The following IFI44L variants were observed in gnomAD, a reference collection of about 807,000 sequenced individuals.
IFI44L encodes interferon induced protein 44 like.
IFI44L carries 40 observed loss-of-function variants against 39.3 expected under a neutral mutation model. The ratio of observed to expected loss-of-function variants is 1.02; its 90% CI spans 0.79 to 1.33. IFI44L has a LOEUF of 1.33. Among genes scored for constraint, IFI44L ranks in the 40% most tolerant of loss-of-function variants. The pLI is 0.00. For synonymous variants in IFI44L, 198 were observed against 182.3 expected, an observed-to-expected ratio of 1.09 and a Z score of -0.69; for missense variants, 623 against 549.0, an observed-to-expected ratio of 1.13 and a Z score of -1.35.
intron 5 of IFI44L, 67 bp from the exon 6 acceptor site, chr1:78,636,965 A>G (rs1652971015): frequency 2.5e-6 from 3 of 1,199,212 alleles, no homozygotes; most frequent in Non-Finnish European, 3.6e-6. Flanking sequence ...AGAAGCATTA[A>G]TTGTGTCTTT....
At position 78,629,012 on chromosome 1, in the gene IFI44L, C is replaced by A. The variant is rs368767836; in HGVS notation, c.527+13C>A. 36 of 1,532,382 alleles carry A rather than the reference C, an allele frequency of 2.3e-5. No individual in the cohort carries two copies. Among genetic ancestry groups the A allele is most frequent in the Non-Finnish European group, 2.9e-5 (32 of 1,106,852 alleles). 94.9% of individuals were successfully genotyped at this position (1,532,382 alleles called of 1,614,324 possible). ...TTAAAGCCAGAGAGTAAGTTGGATT[C>A]TTGGGCTATCTATTAATCATTTTAT... On this transcript the variant is annotated intron_variant, in intron 3 of 8. Coordinates refer to ENST00000370751, the MANE Select transcript of IFI44L (RefSeq NM_006820.4).
At chr1:78,628,509 A>G in intron 2 of IFI44L, 116 bp downstream of exon 2, 1 of 674,716 alleles carries the variant, frequency 1.5e-6, no homozygotes, top group South Asian at 2.0e-5. Context: ...GATTCATGCC[A>G]TACTCTTTGA....
In IFI44L at chr1:78,628,970, C is replaced by A. The variant is rs886532970; in HGVS notation, c.498C>A (p.Asp166Glu). 1.9e-6 allele frequency: 3 copies of A among 1,580,978 alleles called. No individual in the cohort carries two copies. The highest frequency in any genetic ancestry group is 1.7e-6 in the Non-Finnish European group (2 of 1,150,866). ...FRVEGIKDNL[D>E]DIKRIIKARE... ...CTATAGGAATTAAGGATAACCTAGA[C>A]GACATAAAGAGGATAATTAAAGCCA... The change falls in exon 3 of 9, where the codon GAC becomes GAA. Residue 166 changes from aspartate to glutamate, a missense_variant. Asp to Glu is a conservative substitution (Grantham distance 45, BLOSUM62 2). Coordinates refer to ENST00000370751, the MANE Select transcript of IFI44L (RefSeq NM_006820.4).
In IFI44L at chr1:78,635,465, A is replaced by G; in HGVS notation, c.852A>G (p.Lys284=). The change falls in exon 5 of 9, where the codon AAA becomes AAG. Residue 284 remains lysine (K), a synonymous_variant. Coordinates refer to ENST00000370751, the MANE Select transcript of IFI44L (RefSeq NM_006820.4). ...TGGATGACATTCCCCACATCTTAAAAGGTTGTATGCCAGACAGATATCAGG... is the reference window on the plus strand; with the variant it reads ...TGGATGACATTCCCCACATCTTAAAGGGTTGTATGCCAGACAGATATCAGG... ...LCMDDIPHIL[K]GCMPDRYQFN... 1 of 1,613,292 alleles carries G rather than the reference A, an allele frequency of 6.2e-7. No homozygotes were observed. Among genetic ancestry groups the G allele is most frequent in the Non-Finnish European group, 8.5e-7 (1 of 1,179,558 alleles).
Position 78,646,052 on chromosome 1 carries a change from A to G in IFI44L, c.*4243A>G, listed in dbSNP as rs545584518. On this transcript the variant is annotated 3_prime_UTR_variant, in exon 9 of 9. Transcript: ENST00000370751. ...CTGTGCTAAATAATTACGTGTAAAT[A>G]TATTTTTTCATTTTTAAAAATTGAT... The G allele has an allele frequency of 5.3e-5, 8 of 152,314 alleles. No individual in the cohort carries two copies. The highest frequency in any genetic ancestry group is 1.3e-4 in the Admixed American group (2 of 15,302). The allele number at this position is 152,314 out of a possible 1,614,324, so 9.4% of individuals were successfully genotyped here.
At chr1:78,631,884 C>T (rs1652762467) in intron 4 of IFI44L, among the ~76,000 whole-genome samples, 1 of 151,984 alleles carries the variant, frequency 6.6e-6, no homozygotes. Flanking sequence ...ACGGTGGCAC[C>T]AAACACTACT....
chr1:78,626,147 C>T (rs973422448), intron 1 of IFI44L: 11 of 151,506 alleles, frequency 7.3e-5, no homozygotes, highest in African/African-American at 2.7e-4. Flanking sequence ...CTTTTTTTGT[C>T]TCAATACTTC....
At chr1:78,630,436 GAAAT>G (rs1162298655) in intron 4 of IFI44L, among the ~76,000 whole-genome samples, 2 of 151,982 alleles carry the variant, frequency 1.3e-5, no homozygotes, top group Non-Finnish European at 2.9e-5. Context: ...TATACATAAG[GAAAT>G]AAATAGTAAT....
At chr1:78,628,660 G>C (rs1375520474) in intron 2 of IFI44L, 1 of 511,944 alleles carries the variant, frequency 2.0e-6, no homozygotes. Context: ...TGGAGAGAGA[G>C]AGATCTTATC....
intron 5 of IFI44L, 49 bp downstream of exon 5, chr1:78,635,538 T>C: frequency 6.3e-7 from 1 of 1,576,108 alleles, no homozygotes; most frequent in Non-Finnish European, 8.7e-7. Flanking sequence ...TTCTTCAGTA[T>C]TTTTCATTGA....
rs779632892 is a variant in IFI44L at position 78,637,191 on chromosome 1, G to A, written c.1036G>A (p.Val346Ile). Reference sequence around the variant, plus strand: ...AAAAGTGAAGCAAGTTCACAAAGAAGTATTAAACTGTGGTGAGTCTCACTG... The same window carrying A: ...AAAAGTGAAGCAAGTTCACAAAGAAATATTAAACTGTGGTGAGTCTCACTG... ...LAKVKQVHKE[V>I]LNCGIAYVAL... is the part of the protein sequence containing the mutation. The change falls in exon 6 of 9, where the codon GTA (valine) becomes ATA (isoleucine). Residue 346 changes from valine (V) to isoleucine (I), a missense_variant. Coordinates refer to ENST00000370751, the MANE Select transcript of IFI44L (RefSeq NM_006820.4). The A allele has an allele frequency of 3.1e-6, 5 of 1,604,140 alleles. No individual in the cohort carries two copies. The highest frequency in any genetic ancestry group is 1.1e-5 in the South Asian group (1 of 89,132).
chr1:78,634,325 G>C (rs141755958), intron 4 of IFI44L, among the ~76,000 whole-genome samples: 1 of 152,004 alleles, frequency 6.6e-6, no homozygotes, highest in Non-Finnish European at 1.5e-5. Context: ...AAAACTGGAA[G>C]ATAAAAAAGC....
chr1:78,628,718 T>C, intron 2 of IFI44L: 1 of 532,288 alleles, frequency 1.9e-6, no homozygotes, highest in South Asian at 2.6e-5. Context: ...CAGACCCTTA[T>C]ATGACCCTTA....
chr1:78,628,451 T>A, intron 2 of IFI44L, 58 bp downstream of exon 2: 1 of 973,696 alleles, frequency 1.0e-6, no homozygotes, highest in South Asian at 1.6e-5. Context: ...TTGTGTTCGG[T>A]AGGTAATAAT....
chr1:78,634,000 G>C (rs900068875), intron 4 of IFI44L, among the ~76,000 whole-genome samples: 6 of 151,890 alleles, frequency 4.0e-5, no homozygotes, highest in African/African-American at 1.2e-4. Context: ...TGAACTTAAA[G>C]GTAGGTTATT....
Position 78,641,514 on chromosome 1 carries a change from T to A in IFI44L, c.1229T>A (p.Leu410Gln), listed in dbSNP as rs780880452. The change falls in exon 8 of 9, where the codon CTG becomes CAG. Residue 410 changes from leucine to glutamine, a missense_variant. Transcript: ENST00000370751. ...GGAAATTATGCTTCAGATTTGGAACTGGACCCCATGAAGGATATTCTCATC... is the reference window on the plus strand; with the variant it reads ...GGAAATTATGCTTCAGATTTGGAACAGGACCCCATGAAGGATATTCTCATC... The part of the protein sequence containing the change: ...MVGNYASDLE[L>Q]DPMKDILILS... The A allele has an allele frequency of 6.2e-7, 1 of 1,613,638 alleles. No individual in the cohort carries two copies. Among genetic ancestry groups the A allele is most frequent in the Non-Finnish European group, 8.5e-7 (1 of 1,179,718 alleles).
chr1:78,629,607 GA>G, intron 3 of IFI44L, 112 bp from the exon 4 acceptor site: 1 of 603,818 alleles, frequency 1.7e-6, no homozygotes, highest in Non-Finnish European at 2.7e-6. Context: ...ATTAAGTATT[GA>G]AAAAATACCC....
intron 6 of IFI44L, among the ~76,000 whole-genome samples, chr1:78,638,507 C>A (rs968272230): frequency 1.3e-5 from 2 of 151,884 alleles, no homozygotes; most frequent in Admixed American, 6.6e-5. Flanking sequence ...TTTTTTATAT[C>A]TATTTGCTCT....
Position 78,641,124 on chromosome 1 carries a change from A to G in IFI44L, c.1149+3A>G. 6.3e-7 allele frequency: 1 copy of G among 1,584,122 alleles called. No homozygotes were observed. The highest frequency in any genetic ancestry group is 2.2e-5 in the East Asian group (1 of 44,682). ...GATCTATGACTTCTCAAAGCCGGGT[A>G]AAAAATGCTGATCATAACCAGATAT... On this transcript the variant is annotated splice_donor_region_variant and intron_variant, in intron 7 of 8. Transcript: ENST00000370751.
Sources: gnomAD v4.1 joint callset for allele counts (sites outside exome capture counted in the v4.1 genomes callset) on GRCh38, gnomAD v4.1.1 for gene constraint, MANE v1.5 for transcripts, NCBI Gene and HGNC (gene_info 2026-07-23, HGNC 2026-07-21) for gene names.